The following SH3TC2 variants were observed in gnomAD, a reference collection of about 807,000 sequenced individuals.
SH3TC2 encodes the protein SH3 domain and tetratricopeptide repeat-containing protein 2.
A neutral mutation model predicts 124.5 loss-of-function variants in SH3TC2; 87 were observed. That is an observed-to-expected ratio of 0.70 (90% CI 0.59 to 0.84). The LOEUF is 0.84. SH3TC2 is among the 40% of genes least tolerant of loss of function. The pLI is 0.00. For synonymous variants in SH3TC2, 634 were observed against 628.5 expected, an observed-to-expected ratio of 1.01 and a Z score of -0.13; for missense variants, 1,536 against 1,566.4, an observed-to-expected ratio of 0.98 and a Z score of 0.33.
intron 9 of SH3TC2, among the ~76,000 whole-genome samples, chr5:149,031,335 A>T (rs1754188421): frequency 6.6e-6 from 1 of 152,166 alleles, no homozygotes; most frequent in Admixed American, 6.5e-5. Flanking sequence ...AGTTGGTTTC[A>T]TCATGTCTCA....
Position 149,027,594 on chromosome 5 carries a change from A to G in SH3TC2, c.2138T>C (p.Leu713Pro), listed in dbSNP as rs1754093528. 6.2e-7 allele frequency: 1 copy of G among 1,614,248 alleles called. No individual in the cohort carries two copies. Among genetic ancestry groups the G allele is most frequent in the Non-Finnish European group, 8.5e-7 (1 of 1,180,044 alleles). ...GAGCTTGGTTGTGTTCTGGAGGACA[A>G]GGTGGACCTGCCAAATAGGAAGAGA... ...GMSLPIWQVH[L>P]VLQNTTKLLG... Residue 713 changes from leucine to proline, a missense_variant, in exon 11 of 17, where the codon CTT becomes CCT. This residue lies in a region of SH3TC2 where 1,102 missense variants were observed against 1,098.6 expected (regional missense o/e 1.00). Coordinates refer to ENST00000515425, the MANE Select transcript of SH3TC2 (RefSeq NM_024577.4).
rs771050155 is a variant in SH3TC2, at chr5:149,028,100, G to C, written c.1632C>G (p.Leu544=). Residue 544 remains leucine (L), a synonymous_variant, in exon 11 of 17, where the codon CTC becomes CTG. Coordinates refer to ENST00000515425, the MANE Select transcript of SH3TC2 (RefSeq NM_024577.4). ...CCTCGAAGTACACCCTGGCCTGAGA[G>C]AGTTTGACCTTCCTGATGCTCAGCC... ...LGRLSIRKVK[L]SQARVYFEEA... 5.6e-6 allele frequency: 9 copies of C among 1,614,016 alleles called. No individual in the cohort carries two copies. The highest frequency in any genetic ancestry group is 7.6e-6 in the Non-Finnish European group (9 of 1,180,054).
In SH3TC2 at chr5:149,044,588, G is replaced by A. The variant is rs1305286171; in HGVS notation, c.330C>T (p.Leu110=). 6 of 1,613,952 alleles carry A rather than the reference G, an allele frequency of 3.7e-6. No individual in the cohort carries two copies. In the African/African-American group the frequency reaches 5.3e-5, roughly 14 times the overall value. The change falls in exon 4 of 17, where the codon CTC becomes CTT. Residue 110 remains leucine (L), a synonymous_variant. Transcript: ENST00000515425. ...TTTCCTCCATGGTCTTGAAGGTGATGAGAAACTGGGCCCTCTGAGACTGGA... is the reference window on the plus strand; with the variant it reads ...TTTCCTCCATGGTCTTGAAGGTGATAAGAAACTGGGCCCTCTGAGACTGGA... ...VSIQSQRAQF[L]ITFKTMEEIW...
chr5:149,038,753 A>G (rs539732288), intron 7 of SH3TC2, among the ~76,000 whole-genome samples: 2 of 152,368 alleles, frequency 1.3e-5, no homozygotes, highest in Admixed American at 1.3e-4. Flanking sequence ...ACAAAAAAAG[A>G]TTCTCAGATA....
chr5:148,982,284 G>T lies in SH3TC2; in HGVS notation c.*22427C>A, dbSNP rs1753262619. On this transcript the variant is annotated 3_prime_UTR_variant, in exon 17 of 17. Transcript: ENST00000515425. ...GGGCCTGAGGAAAAAGGCACTCTCC[G>T]CATTGTAGGAGAATACATTGACAAG... 6.6e-6 allele frequency among the ~76,000 whole-genome samples: 1 copy of T among 152,218 alleles called. No homozygotes were observed. Among genetic ancestry groups the T allele is most frequent in the Middle Eastern group, 3.4e-3 (1 of 294 alleles).
At chr5:149,014,661 A>G (rs1753840727) in intron 12 of SH3TC2, among the ~76,000 whole-genome samples, 1 of 152,180 alleles carries the variant, frequency 6.6e-6, no homozygotes, top group African/African-American at 2.4e-5. Context: ...CTCTTTCTCA[A>G]GTTTTAAAAT....
intron 16 of SH3TC2, among the ~76,000 whole-genome samples, chr5:149,005,322 G>A (rs62378210): frequency 0.23 from 34,499 of 152,094 alleles, 4,398 homozygotes; most frequent in African/African-American, 0.31. Context: ...TAGCTAGAAG[G>A]GGAAAAGGCC....
intron 2 of SH3TC2, among the ~76,000 whole-genome samples, chr5:149,049,561 G>A (rs1248118909): frequency 6.6e-6 from 1 of 152,112 alleles, no homozygotes. Context: ...AAGCTCAGGA[G>A]TTCAAGACCA....
chr5:149,017,893 C>T (rs1045094205), intron 12 of SH3TC2, among the ~76,000 whole-genome samples: 3 of 152,218 alleles, frequency 2.0e-5, no homozygotes, highest in African/African-American at 7.2e-5. Context: ...TTTCAATCTG[C>T]TTTTGTAAAT....
rs1646481380 is a variant in SH3TC2, at chr5:148,996,091, A to AACTACC, written c.*8619_*8620insGGTAGT. On this transcript the variant is annotated 3_prime_UTR_variant, in exon 17 of 17. Coordinates refer to ENST00000515425, the MANE Select transcript of SH3TC2 (RefSeq NM_024577.4). Reference sequence around the variant, plus strand: ...AACCCATCTCTACAAAAACTACCAAAAAAAAAAAAAATTAGCTGGGAGTGG... The same window carrying AACTACC: ...AACCCATCTCTACAAAAACTACCAAAACTACCAAAAAAAAAAATTAGCTGGGAGTGG... Among the ~76,000 whole-genome samples, 1 of 151,416 alleles carries AACTACC rather than the reference A, an allele frequency of 6.6e-6. No homozygotes were observed. The highest frequency in any genetic ancestry group is 2.4e-5 in the African/African-American group (1 of 41,314).
chr5:149,009,719 C>T (rs915269457), intron 14 of SH3TC2, among the ~76,000 whole-genome samples: 1 of 152,194 alleles, frequency 6.6e-6, no homozygotes, highest in Non-Finnish European at 1.5e-5. Flanking sequence ...AATATCTGGA[C>T]ATTCATTTAA....
chr5:149,029,786 A>C (rs1299511540), intron 9 of SH3TC2, among the ~76,000 whole-genome samples: 1 of 152,152 alleles, frequency 6.6e-6, no homozygotes, highest in Non-Finnish European at 1.5e-5. Flanking sequence ...AGAAGTGACC[A>C]CTGTTGGCTA....
At chr5:149,022,759 CA>C (rs1580897180) in intron 12 of SH3TC2, among the ~76,000 whole-genome samples, 1 of 152,142 alleles carries the variant, frequency 6.6e-6, no homozygotes, top group Non-Finnish European at 1.5e-5. Flanking sequence ...ACCTTGAAAA[CA>C]CTATGCTAAG....
chr5:149,025,483 G>A (rs1218263826), intron 12 of SH3TC2, among the ~76,000 whole-genome samples: 3 of 152,112 alleles, frequency 2.0e-5, no homozygotes, highest in Non-Finnish European at 2.9e-5. Flanking sequence ...TAACAGTAGC[G>A]ATTTTAGAAG....
At chr5:149,012,469 A>T in intron 13 of SH3TC2, 115 bp downstream of exon 13, 1 of 1,358,678 alleles carries the variant, frequency 7.4e-7, no homozygotes, top group Admixed American at 1.7e-5. Context: ...CTTTCTCCAC[A>T]GGCTTAGGGT....
intron 15 of SH3TC2, 186 bp from the exon 16 acceptor site, chr5:149,007,263 T>A (rs1753707082): frequency 7.5e-6 from 5 of 671,010 alleles, no homozygotes; most frequent in Non-Finnish European, 1.1e-5. Context: ...AGACATTCCT[T>A]AAATAATCCC....
chr5:149,030,209 C>T (rs1002591979), intron 9 of SH3TC2, among the ~76,000 whole-genome samples: 4 of 152,132 alleles, frequency 2.6e-5, no homozygotes, highest in Admixed American at 2.6e-4. Flanking sequence ...AAATGGTGTC[C>T]CCTCTCTAGG....
rs1753310488 is a variant in SH3TC2 at position 148,984,966 on chromosome 5, C to T, written c.*19745G>A. 6.6e-6 allele frequency among the ~76,000 whole-genome samples: 1 copy of T among 151,938 alleles called. No homozygotes were observed. The highest frequency in any genetic ancestry group is 2.4e-5 in the African/African-American group (1 of 41,384). On this transcript the variant is annotated 3_prime_UTR_variant, in exon 17 of 17. Transcript: ENST00000515425. ...TATAAAACAGGACAGGAAGTGAATC[C>T]TAGGGATGGAAGCAATGGAAGATTA...
chr5:149,019,755 T>C (rs1006859772), intron 12 of SH3TC2, among the ~76,000 whole-genome samples: 23 of 152,216 alleles, frequency 1.5e-4, no homozygotes, highest in South Asian at 1.0e-3. Flanking sequence ...GCTTCATTGC[T>C]TTTCAACTTG....
Sources: allele counts gnomAD v4.1 joint callset (sites outside exome capture counted in the v4.1 genomes callset), GRCh38; gene constraint gnomAD v4.1.1; regional missense constraint gnomAD v4.1.1; transcripts MANE v1.5; gene names NCBI Gene and HGNC (gene_info 2026-07-23, HGNC 2026-07-21).